KDM2A: variants seen among roughly 807,000 people sequenced by gnomAD.
KDM2A encodes the protein lysine demethylase 2A.
In KDM2A, 3 loss-of-function variants were observed where a neutral mutation model predicts 137.3. That is an observed-to-expected ratio of 0.02 (90% CI 0.01 to 0.06). KDM2A has a LOEUF of 0.06. Among genes scored for constraint, KDM2A ranks in the 10% least tolerant of loss-of-function variants. KDM2A has a pLI of 1.00. For missense variants in KDM2A, 738 were observed against 1,510.6 expected, an observed-to-expected ratio of 0.49 and a Z score of 8.48; for synonymous variants, 512 against 541.5, an observed-to-expected ratio of 0.95 and a Z score of 0.76.
rs1414853069 is a variant in KDM2A, at chr11:67,180,102, T to C, written c.66T>C (p.Tyr22=). The C allele has an allele frequency of 6.2e-7, 1 of 1,613,884 alleles. No homozygotes were observed. Among genetic ancestry groups the C allele is most frequent in the Admixed American group, 1.7e-5 (1 of 60,014 alleles). ...AGCGTGGTACCATGCGACGACGCTA[T>C]GAAGATGATGGCATTTCAGATGATG... ...QRLRGTMRRR[Y]EDDGISDDEI... Residue 22 remains tyrosine (Y), a synonymous_variant, in exon 3 of 21, where the codon TAT becomes TAC. Coordinates refer to ENST00000529006, the MANE Select transcript of KDM2A (RefSeq NM_012308.3).
chr11:67,240,084 C>T, intron 12 of KDM2A: 1 of 1,371,890 alleles, frequency 7.3e-7, no homozygotes, highest in Non-Finnish European at 9.4e-7. Context: ...GTGGGTGACG[C>T]AGCAGCATTG....
chr11:67,194,998 T>C (rs1373313283), intron 5 of KDM2A, among the ~76,000 whole-genome samples: 1 of 152,182 alleles, frequency 6.6e-6, no homozygotes, highest in Non-Finnish European at 1.5e-5. Context: ...AGCCTATTCA[T>C]CTGATCTTGA....
intron 12 of KDM2A, among the ~76,000 whole-genome samples, chr11:67,239,632 C>T (rs1858965918): frequency 1.3e-5 from 2 of 152,158 alleles, no homozygotes; most frequent in Admixed American, 1.3e-4. Context: ...CCTCTACTTG[C>T]TGAGAGGGGA....
chr11:67,151,597 C>CA (rs1163981491), intron 2 of KDM2A, among the ~76,000 whole-genome samples: 2 of 152,014 alleles, frequency 1.3e-5, no homozygotes, highest in African/African-American at 4.8e-5. Context: ...GTGATCTGCC[C>CA]ACCTCCACCT....
At position 67,250,272 on chromosome 11, in the gene KDM2A, C is replaced by T. The variant is rs758826301; in HGVS notation, c.2242C>T (p.His748Tyr). 1.2e-6 allele frequency: 2 copies of T among 1,613,910 alleles called. No homozygotes were observed. The highest frequency in any genetic ancestry group is 1.1e-5 in the South Asian group (1 of 91,078). ...ATCCCCTGGGGCTGGCCCCAGCGAC[C>T]ACCACAGTGCCAGCCGCGATGAGCG... ...RSSPGAGPSD[H>Y]HSASRDERFK... Residue 748 changes from histidine (H) to tyrosine (Y), a missense_variant, in exon 17 of 21, where the codon CAC becomes TAC. His to Tyr is a moderately conservative substitution (Grantham distance 83). This residue lies in a region of KDM2A where 244 missense variants were observed against 324.6 expected (regional missense o/e 0.75). Transcript: ENST00000529006. This position sits in a 1 kb window ranked among gnomAD's most constrained non-coding sequence, Gnocchi z 7.1.
chr11:67,135,287 C>T (rs377328190), intron 2 of KDM2A, among the ~76,000 whole-genome samples: 21 of 152,182 alleles, frequency 1.4e-4, no homozygotes, highest in African/African-American at 4.6e-4. Context: ...AGGATGGTCT[C>T]GATCTCTTGA....
intron 2 of KDM2A, among the ~76,000 whole-genome samples, chr11:67,123,275 C>CTTTTTTT (rs575165830): frequency 1.4e-5 from 1 of 71,490 alleles, no homozygotes; most frequent in Non-Finnish European, 2.7e-5. Context: ...CAGTACCTGG[C>CTTTTTTT]TTTTTTTTTT....
chr11:67,169,759 C>CTCTCTCTCTCTCTCTCTCT lies in KDM2A; in HGVS notation c.43-10319_43-10318insCTCTCTCTCTCTCTCTCTT, dbSNP rs756503460. ...TCTCTCTCTCTCTCTCTCTCTCTCTCTTTTTTTTTTTTTTTTGAGACGGAG... is the reference window on the plus strand; with the variant it reads ...TCTCTCTCTCTCTCTCTCTCTCTCTCTCTCTCTCTCTCTCTCTCTTTTTTTTTTTTTTTTTGAGACGGAG... On this transcript the variant is annotated intron_variant, in intron 2 of 20. Coordinates refer to ENST00000529006, the MANE Select transcript of KDM2A (RefSeq NM_012308.3). 1.5e-4 allele frequency among the ~76,000 whole-genome samples: 10 copies of CTCTCTCTCTCTCTCTCTCT among 65,694 alleles called. No homozygotes were observed. The East Asian group carries it at 1.6e-3, about 10-fold the overall frequency. 43.1% of individuals were successfully genotyped at this position (65,694 alleles called of 152,430 possible).
chr11:67,215,493 A>C, intron 7 of KDM2A, 47 bp downstream of exon 7: 10 of 1,197,832 alleles, frequency 8.3e-6, no homozygotes, highest in Admixed American at 1.8e-5. Flanking sequence ...TGGGAGACCA[A>C]AGCAATAGCA....
At chr11:67,124,921 G>C (rs1244420088) in intron 2 of KDM2A, among the ~76,000 whole-genome samples, 2 of 149,356 alleles carry the variant, frequency 1.3e-5, no homozygotes, top group Non-Finnish European at 1.5e-5. Flanking sequence ...GCAGTGGCTC[G>C]ATCTTGGCTC....
intron 5 of KDM2A, among the ~76,000 whole-genome samples, chr11:67,190,027 G>C (rs1857312089): frequency 6.6e-6 from 1 of 152,158 alleles, no homozygotes; most frequent in South Asian, 2.1e-4. Flanking sequence ...ACCAAAAGGT[G>C]GTTCTTCTTT....
chr11:67,121,374 C>A lies in KDM2A; in HGVS notation c.42+16C>A, dbSNP rs1318355060. ...CCAGAGATTGGTTAGTATTTTCTCC[C>A]CCCACCACACCCTCCAGTTTTAAAG... is the stretch of plus-strand genomic sequence containing the variant. On this transcript the variant is annotated intron_variant, in intron 2 of 20. Transcript: ENST00000529006. 2 of 1,608,834 alleles carry A rather than the reference C, an allele frequency of 1.2e-6. No homozygotes were observed. Among genetic ancestry groups the A allele is most frequent in the African/African-American group, 1.3e-5 (1 of 74,770 alleles).
intron 5 of KDM2A, among the ~76,000 whole-genome samples, chr11:67,187,203 T>C (rs1351845984): frequency 6.6e-6 from 1 of 152,192 alleles, no homozygotes; most frequent in Non-Finnish European, 1.5e-5. Flanking sequence ...CAAATAAATG[T>C]ATCTAAGTAC....
chr11:67,213,161 T>A (rs1301463572), intron 6 of KDM2A, among the ~76,000 whole-genome samples: 1 of 152,236 alleles, frequency 6.6e-6, no homozygotes, highest in African/African-American at 2.4e-5. Flanking sequence ...GGGTATCCTC[T>A]AGACAACTGC....
chr11:67,249,959 T>A, intron 16 of KDM2A, 127 bp from the exon 17 acceptor site: 1 of 639,408 alleles, frequency 1.6e-6, no homozygotes, highest in Non-Finnish European at 2.3e-6. Context: ...TCTGAGGGAA[T>A]GACCCCCTCT....
At chr11:67,137,064 A>G (rs1446875953) in intron 2 of KDM2A, among the ~76,000 whole-genome samples, 1 of 152,218 alleles carries the variant, frequency 6.6e-6, no homozygotes, top group Non-Finnish European at 1.5e-5. Context: ...GGAGGTAACC[A>G]GGCAAAGATG....
At chr11:67,190,991 G>C (rs1223791164) in intron 5 of KDM2A, among the ~76,000 whole-genome samples, 1 of 152,134 alleles carries the variant, frequency 6.6e-6, no homozygotes, top group African/African-American at 2.4e-5. Flanking sequence ...CATTTAAAGA[G>C]GAACTAACAC....
rs562209132 is a variant in KDM2A at position 67,139,488 on chromosome 11, G to A, written c.42+18130G>A. On this transcript the variant is annotated intron_variant, in intron 2 of 20. Coordinates refer to ENST00000529006, the MANE Select transcript of KDM2A (RefSeq NM_012308.3). ...TTGAACTCCTGACCTCTGGTGATTCGCCCACCTCGGCCCCCCAAAGTGCTA... is the reference window on the plus strand; with the variant it reads ...TTGAACTCCTGACCTCTGGTGATTCACCCACCTCGGCCCCCCAAAGTGCTA... Among the ~76,000 whole-genome samples, 7 of 151,692 alleles carry A rather than the reference G, an allele frequency of 4.6e-5. No individual in the cohort carries two copies. The South Asian group carries it at 6.3e-4, about 14-fold the overall frequency.
chr11:67,161,621 T>C (rs938522039), intron 2 of KDM2A, among the ~76,000 whole-genome samples: 30 of 152,236 alleles, frequency 2.0e-4, no homozygotes, highest in Non-Finnish European at 8.8e-5. Flanking sequence ...TACACACTGT[T>C]GTGACCTAAA....
Sources: allele counts gnomAD v4.1 joint callset (sites outside exome capture counted in the v4.1 genomes callset), GRCh38; gene constraint gnomAD v4.1.1; regional missense constraint gnomAD v4.1.1; non-coding constraint Gnocchi (gnomAD v3.1); transcripts MANE v1.5; gene names NCBI Gene and HGNC (gene_info 2026-07-23, HGNC 2026-07-21).